Variants in ENOX2 observed in about 807,000 individuals in gnomAD.
ENOX2 encodes the protein ecto-NOX disulfide-thiol exchanger 2.
A neutral mutation model predicts 45.0 loss-of-function variants in ENOX2; 36 were observed. That is an observed-to-expected ratio of 0.80 (90% CI 0.61 to 1.06). The LOEUF is 1.06. Ranked by LOEUF, ENOX2 falls within the 50% of genes least tolerant of loss-of-function variation. The pLI is 0.00. For missense variants in ENOX2, 423 were observed against 462.5 expected (o/e 0.91, Z 0.78); for synonymous variants, 174 against 152.3 (o/e 1.14, Z -1.05).
intron 2 of ENOX2, among the ~76,000 whole-genome samples, chrX:130,812,775 A>T (rs5977378): frequency 0.092 from 10,270 of 111,700 alleles, 799 homozygotes; most frequent in African/African-American, 0.26. Flanking sequence ...AAAATTTCAC[A>T]GACATTTTTT....
chrX:130,790,168 A>G (rs1390268557), intron 2 of ENOX2, among the ~76,000 whole-genome samples: 1 of 112,809 alleles, frequency 8.9e-6, no homozygotes, highest in Non-Finnish European at 1.9e-5. Context: ...AAAGGTAATG[A>G]AGAAGAAGTG....
At chrX:130,853,097 T>A (rs1238545813) in intron 2 of ENOX2, among the ~76,000 whole-genome samples, 1 of 110,045 alleles carries the variant, frequency 9.1e-6, no homozygotes, top group African/African-American at 3.3e-5. Flanking sequence ...GGTATTTTTT[T>A]TTTACTATAT....
chrX:130,776,481 C>A (rs1272974571), intron 3 of ENOX2, among the ~76,000 whole-genome samples: 1 of 109,971 alleles, frequency 9.1e-6, no homozygotes. Context: ...GGCGTCTCCC[C>A]CTCCACTCTC....
At chrX:130,737,312 T>A (rs1157345434) in intron 3 of ENOX2, among the ~76,000 whole-genome samples, 2 of 112,453 alleles carry the variant, frequency 1.8e-5, no homozygotes, top group East Asian at 5.6e-4. Flanking sequence ...CTATGTGAAT[T>A]TAGTTCATTC....
At chrX:130,902,782 T>TG (rs1447919373) in intron 1 of ENOX2, among the ~76,000 whole-genome samples, 2 of 31,900 alleles carry the variant, frequency 6.3e-5, no homozygotes, top group African/African-American at 2.7e-4. Flanking sequence ...GGCGGCGTCG[T>TG]GGGAAAAAAA....
intron 3 of ENOX2, among the ~76,000 whole-genome samples, chrX:130,771,245 T>C (rs1284125873): frequency 1.8e-5 from 2 of 112,040 alleles, no homozygotes; most frequent in Non-Finnish European, 3.8e-5. Context: ...TGTGTACCTT[T>C]ATGTGCTTCA....
intron 10 of ENOX2, among the ~76,000 whole-genome samples, chrX:130,649,318 C>CAA (rs375062441): frequency 1.4e-4 from 12 of 85,819 alleles, no homozygotes; most frequent in South Asian, 5.4e-4. Flanking sequence ...CAAGTATATA[C>CAA]AAAAAAAAAA....
At chrX:130,832,696 C>T (rs995110027) in intron 2 of ENOX2, among the ~76,000 whole-genome samples, 1 of 110,903 alleles carries the variant, frequency 9.0e-6, no homozygotes, top group Non-Finnish European at 1.9e-5. Flanking sequence ...TCACATCCTA[C>T]ACATCTAGCC....
At chrX:130,874,469 T>C (rs1228342010) in intron 2 of ENOX2, among the ~76,000 whole-genome samples, 1 of 112,004 alleles carries the variant, frequency 8.9e-6, no homozygotes, top group Non-Finnish European at 1.9e-5. Context: ...TGTGGAACTA[T>C]AGCTTAATAA....
intron 2 of ENOX2, among the ~76,000 whole-genome samples, chrX:130,887,124 C>G (rs1312117947): frequency 9.0e-6 from 1 of 111,508 alleles, no homozygotes; most frequent in Non-Finnish European, 1.9e-5. Context: ...CCTATTTGTC[C>G]TTCAGTACAG....
chrX:130,864,838 C>A (rs2078466067), intron 2 of ENOX2, among the ~76,000 whole-genome samples: 1 of 111,376 alleles, frequency 9.0e-6, no homozygotes, highest in Non-Finnish European at 1.9e-5. Context: ...ACATGTGAAA[C>A]CCCATTTCTA....
chrX:130,841,939 A>G (rs188507759), intron 2 of ENOX2, among the ~76,000 whole-genome samples: 71 of 112,373 alleles, frequency 6.3e-4, no homozygotes, highest in African/African-American at 2.2e-3. Context: ...CTCTTTTCCA[A>G]TTTGATTTAT....
At chrX:130,747,331 C>A (rs2039120362) in intron 3 of ENOX2, among the ~76,000 whole-genome samples, 1 of 110,765 alleles carries the variant, frequency 9.0e-6, no homozygotes, top group Admixed American at 9.5e-5. Context: ...TGAATTCCCC[C>A]AAACCTATTT....
chrX:130,650,172 G>C (rs2036361401), intron 10 of ENOX2, among the ~76,000 whole-genome samples: 1 of 112,383 alleles, frequency 8.9e-6, no homozygotes, highest in Non-Finnish European at 1.9e-5. Context: ...GAGATACATG[G>C]AAGAGAAAAG....
At chrX:130,697,924 A>G (rs2037804068) in intron 4 of ENOX2, among the ~76,000 whole-genome samples, 1 of 111,804 alleles carries the variant, frequency 8.9e-6, no homozygotes, top group Admixed American at 9.5e-5. Flanking sequence ...AATGTTTCCA[A>G]GAGAAAACAG....
intron 2 of ENOX2, among the ~76,000 whole-genome samples, chrX:130,825,593 T>C (rs190297635): frequency 8.9e-6 from 1 of 111,985 alleles, no homozygotes; most frequent in Non-Finnish European, 1.9e-5. Flanking sequence ...TCAAGCACAG[T>C]CTGGAAATAT....
chrX:130,710,535 T>A (rs764174156), intron 3 of ENOX2, among the ~76,000 whole-genome samples: 1 of 111,613 alleles, frequency 9.0e-6, no homozygotes, highest in African/African-American at 3.3e-5. Context: ...CATCCTACAA[T>A]GTACAGGACA....
At chrX:130,643,775 G>T (rs942080409) in intron 10 of ENOX2, among the ~76,000 whole-genome samples, 1 of 112,051 alleles carries the variant, frequency 8.9e-6, no homozygotes, top group African/African-American at 3.2e-5. Context: ...GAAATGGACA[G>T]ATCCAGCAAA....
chrX:130,663,808 T>TA (rs2036762135), intron 9 of ENOX2, among the ~76,000 whole-genome samples: 1 of 111,562 alleles, frequency 9.0e-6, no homozygotes, highest in Non-Finnish European at 1.9e-5. Flanking sequence ...CTGGATATTT[T>TA]AAATTTAGCG....
Sources: gnomAD v4.1 joint callset for allele counts (sites outside exome capture counted in the v4.1 genomes callset) on GRCh38, gnomAD v4.1.1 for gene constraint, MANE v1.5 for transcripts, NCBI Gene and HGNC (gene_info 2026-07-23, HGNC 2026-07-21) for gene names.